EEF2K: variants seen among roughly 807,000 people sequenced by gnomAD.
The protein encoded by EEF2K is alternative protein EEF2K.
Under a neutral mutation model 93.8 loss-of-function variants are expected in EEF2K, and 70 were observed. That is an observed-to-expected ratio of 0.75 (90% CI 0.62 to 0.91). The LOEUF (loss-of-function observed/expected upper bound fraction) is 0.91, where lower values mean the gene tolerates loss of function less well. Among genes scored for constraint, EEF2K ranks in the 40% least tolerant of loss-of-function variants. The pLI, the probability that EEF2K is intolerant of heterozygous loss-of-function variation, is 0.00. For missense variants in EEF2K, 935 were observed against 972.9 expected, an observed-to-expected ratio of 0.96 and a Z score of 0.52; for synonymous variants, 376 against 380.8, an observed-to-expected ratio of 0.99 and a Z score of 0.15.
rs2047364479 is a variant in EEF2K at position 22,252,868 on chromosome 16, A to G, written c.618+1546A>G. 1.3e-5 allele frequency among the ~76,000 whole-genome samples: 2 copies of G among 152,162 alleles called. 1 individual carries two copies. The highest frequency in any genetic ancestry group is 3.9e-4 in the East Asian group (2 of 5,194). On this transcript the variant is annotated intron_variant, in intron 6 of 17. Coordinates refer to ENST00000263026, the MANE Select transcript of EEF2K (RefSeq NM_013302.5). ...AAAGGGGGTTTCCCCTTATAAAACC[A>G]TCAGATCTCGTGAGACTTATTCACT...
At chr16:22,244,769 C>G in intron 3 of EEF2K, 39 bp downstream of exon 3, 1 of 1,602,410 alleles carries the variant, frequency 6.2e-7, no homozygotes, top group Non-Finnish European at 8.5e-7. Context: ...GTCCTGGGGG[C>G]TATACGTCCA....
intron 1 of EEF2K, among the ~76,000 whole-genome samples, chr16:22,220,661 C>T (rs558339514): frequency 6.6e-6 from 1 of 152,288 alleles, no homozygotes; most frequent in African/African-American, 2.4e-5. Context: ...CCCAGGCTGG[C>T]CTCGAACTCC....
chr16:22,228,006 CTTTTTTT>C (rs1051682997), intron 2 of EEF2K, among the ~76,000 whole-genome samples: 23 of 80,050 alleles, frequency 2.9e-4, no homozygotes, highest in Non-Finnish European at 4.5e-4. Flanking sequence ...AAACCAAATT[CTTTTTTT>C]TTTTTTTTTT....
chr16:22,273,383 A>T (rs2047604502), intron 15 of EEF2K, among the ~76,000 whole-genome samples: 1 of 152,186 alleles, frequency 6.6e-6, no homozygotes, highest in Non-Finnish European at 1.5e-5. Context: ...GACATGTTGC[A>T]CAGGTGGGCG....
At chr16:22,262,385 C>T (rs1401435642) in intron 11 of EEF2K, among the ~76,000 whole-genome samples, 1 of 152,074 alleles carries the variant, frequency 6.6e-6, no homozygotes, top group African/African-American at 2.4e-5. Context: ...TGGCAGGCGC[C>T]TGTAGTCCCA....
Position 22,251,224 on chromosome 16 carries a change from G to T in EEF2K, c.520G>T (p.Glu174Ter), listed in dbSNP as rs148576611. ...ASNYVAKRYI[E>*]PVDRDVYFED... Reference sequence around the variant, plus strand: ...CAACTACGTGGCGAAGCGCTACATCGAGCCCGTAGACCGGGATGTGTACTT... The same window carrying T: ...CAACTACGTGGCGAAGCGCTACATCTAGCCCGTAGACCGGGATGTGTACTT... The change falls in exon 6 of 18, where the codon GAG becomes TAG. Residue 174 changes from glutamate to a stop codon, truncating the protein, a stop_gained. Transcript: ENST00000263026. LOFTEE classifies it high-confidence loss of function. 6.2e-7 allele frequency: 1 copy of T among 1,614,084 alleles called. No homozygotes were observed. The highest frequency in any genetic ancestry group is 2.2e-5 in the East Asian group (1 of 44,862).
intron 17 of EEF2K, among the ~76,000 whole-genome samples, chr16:22,282,134 C>T (rs772764243): frequency 6.6e-6 from 1 of 152,070 alleles, no homozygotes; most frequent in African/African-American, 2.4e-5. Context: ...TGTGGTGGCA[C>T]ACTCAGTGAG....
intron 17 of EEF2K, among the ~76,000 whole-genome samples, chr16:22,281,157 C>A (rs1432189543): frequency 1.3e-5 from 2 of 151,966 alleles, no homozygotes; most frequent in African/African-American, 4.8e-5. Flanking sequence ...GAACTCCTGA[C>A]CTCAGGTGAT....
At chr16:22,221,986 C>G (rs927294371) in intron 1 of EEF2K, among the ~76,000 whole-genome samples, 1 of 152,088 alleles carries the variant, frequency 6.6e-6, no homozygotes, top group Non-Finnish European at 1.5e-5. Context: ...AGGAGAATCG[C>G]TTGAACCTGG....
intron 1 of EEF2K, among the ~76,000 whole-genome samples, chr16:22,220,700 C>T (rs1023125600): frequency 3.9e-5 from 6 of 152,234 alleles, no homozygotes; most frequent in Non-Finnish European, 8.8e-5. Context: ...CCACCTTGGC[C>T]TCCCAAAGTG....
At chr16:22,208,088 C>T (rs1290243300) in intron 1 of EEF2K, among the ~76,000 whole-genome samples, 2 of 152,180 alleles carry the variant, frequency 1.3e-5, no homozygotes, top group East Asian at 3.8e-4. Flanking sequence ...GATTGGCGTC[C>T]GCCCTCCTCT....
intron 1 of EEF2K, among the ~76,000 whole-genome samples, chr16:22,219,987 A>C (rs1362535684): frequency 6.6e-6 from 1 of 152,220 alleles, no homozygotes; most frequent in Non-Finnish European, 1.5e-5. Flanking sequence ...GGTTGCACAC[A>C]GTCCTTCTTA....
At chr16:22,274,293 A>G (rs1303321166) in intron 16 of EEF2K, among the ~76,000 whole-genome samples, 4 of 152,060 alleles carry the variant, frequency 2.6e-5, no homozygotes, top group Non-Finnish European at 4.4e-5. Context: ...ATACAAAAAA[A>G]GAAAAGCTGG....
intron 2 of EEF2K, among the ~76,000 whole-genome samples, chr16:22,242,259 A>G (rs555815259): frequency 3.4e-4 from 51 of 152,202 alleles, no homozygotes; most frequent in African/African-American, 1.2e-3. Flanking sequence ...AGCTGCTTCT[A>G]TTTTGAGCAG....
intron 1 of EEF2K, among the ~76,000 whole-genome samples, chr16:22,207,569 A>C (rs1751107793): frequency 6.6e-6 from 1 of 151,850 alleles, no homozygotes; most frequent in South Asian, 2.1e-4. Context: ...TGCTTGGAAC[A>C]GTGCCTGGCA....
chr16:22,231,593 T>C (rs1299520226), intron 2 of EEF2K, among the ~76,000 whole-genome samples: 8 of 152,128 alleles, frequency 5.3e-5, no homozygotes, highest in Non-Finnish European at 8.8e-5. Flanking sequence ...GTTACACATA[T>C]GTATCACTTA....
intron 1 of EEF2K, among the ~76,000 whole-genome samples, chr16:22,220,345 G>A (rs906975185): frequency 6.6e-6 from 1 of 152,252 alleles, no homozygotes; most frequent in African/African-American, 2.4e-5. Flanking sequence ...CGAGGGCCGA[G>A]CTCCCCACAC....
chr16:22,267,028 G>A, intron 15 of EEF2K, 152 bp downstream of exon 15: 1 of 965,626 alleles, frequency 1.0e-6, no homozygotes. Flanking sequence ...CTGGTTTGGG[G>A]GCAGGCCCCT....
At chr16:22,264,750 GCT>G in intron 12 of EEF2K, 66 bp from the exon 13 acceptor site, 2 of 1,581,188 alleles carry the variant, frequency 1.3e-6, no homozygotes, top group Non-Finnish European at 8.7e-7. Context: ...GGCTGGACCA[GCT>G]CTCAGGAGAG....
Sources: gnomAD v4.1 joint callset for allele counts (sites outside exome capture counted in the v4.1 genomes callset) on GRCh38, gnomAD v4.1.1 for gene constraint, MANE v1.5 for transcripts, NCBI Gene and HGNC (gene_info 2026-07-23, HGNC 2026-07-21) for gene names.